The following VPS35 variants were observed in gnomAD, a reference collection of about 807,000 sequenced individuals.
The protein encoded by VPS35 is VPS35 retromer complex component, also known as vacuolar protein sorting-associated protein 35.
VPS35 carries 21 observed loss-of-function variants against 98.1 expected under a neutral mutation model. The ratio of observed to expected loss-of-function variants is 0.21; its 90% CI spans 0.15 to 0.31. The LOEUF is 0.31. Ranked by LOEUF, VPS35 falls within the 10% of genes least tolerant of loss-of-function variation. The pLI is 1.00. For synonymous variants in VPS35, 268 were observed against 318.2 expected (o/e 0.84, Z 1.68); for missense variants, 554 against 950.8 (o/e 0.58, Z 5.49).
intron 11 of VPS35, 64 bp downstream of exon 11, chr16:46,672,201 T>C (rs1966079237): frequency 1.4e-6 from 2 of 1,416,980 alleles, no homozygotes; most frequent in African/African-American, 1.4e-5. Context: ...ATCTCAGGTA[T>C]CTAGGTCCAA....
At chr16:46,681,065 T>A (rs376695699) in intron 4 of VPS35, among the ~76,000 whole-genome samples, 26 of 115,812 alleles carry the variant, frequency 2.2e-4, no homozygotes, top group South Asian at 5.5e-4. Flanking sequence ...ACACACACAC[T>A]GTATATATAC....
chr16:46,686,763 TG>T (rs1198705486), intron 1 of VPS35, among the ~76,000 whole-genome samples: 1 of 152,340 alleles, frequency 6.6e-6, no homozygotes, highest in Non-Finnish European at 1.5e-5. Flanking sequence ...GTTTTCCATT[TG>T]TAAATGACCG....
intron 13 of VPS35, 100 bp from the exon 14 acceptor site, chr16:46,663,262 A>C (rs918372744): frequency 3.1e-5 from 34 of 1,101,520 alleles, no homozygotes; most frequent in Admixed American, 6.5e-5. Context: ...TTGTGTGCAC[A>C]GTTTTCCTGT....
At chr16:46,677,085 G>A (rs1394645053) in intron 7 of VPS35, among the ~76,000 whole-genome samples, 2 of 151,218 alleles carry the variant, frequency 1.3e-5, no homozygotes, top group African/African-American at 2.4e-5. Context: ...TTATAGAAAC[G>A]GCATCGTGCT....
chr16:46,664,355 C>T (rs1257910613), intron 13 of VPS35, among the ~76,000 whole-genome samples: 1 of 151,918 alleles, frequency 6.6e-6, no homozygotes, highest in East Asian at 1.9e-4. Flanking sequence ...AGGGGTTTCA[C>T]CTTATCGGCC....
In VPS35 at chr16:46,661,035, T is replaced by C. The variant is rs1965907341; in HGVS notation, c.2212-384A>G. On this transcript the variant is annotated intron_variant, in intron 16 of 16. Coordinates refer to ENST00000299138, the MANE Select transcript of VPS35 (RefSeq NM_018206.6). This position sits in a 1 kb window ranked among gnomAD's most constrained non-coding sequence, Gnocchi z 4.3. Reference sequence around the variant, plus strand: ...GGTGCCGGGCGCCTATAATACCAGCTATTCAGGAGGCTGAGGCATGAGAAT... The same window carrying C: ...GGTGCCGGGCGCCTATAATACCAGCCATTCAGGAGGCTGAGGCATGAGAAT... The C allele has an allele frequency of 3.0e-6, 1 of 338,204 alleles. No homozygotes were observed. The highest frequency in any genetic ancestry group is 5.7e-6 in the Non-Finnish European group (1 of 173,984). The allele number at this position is 338,204 out of a possible 1,614,324, so 21.0% of individuals were successfully genotyped here.
At chr16:46,689,040 C>A (rs1966375499) in intron 1 of VPS35, 91 bp downstream of exon 1, 1 of 1,568,468 alleles carries the variant, frequency 6.4e-7, no homozygotes, top group East Asian at 2.4e-5. Flanking sequence ...CTGTGGGGCC[C>A]CTTCTCCACT....
chr16:46,688,594 G>A (rs1966361796), intron 1 of VPS35: 5 of 996,342 alleles, frequency 5.0e-6, no homozygotes, highest in Admixed American at 1.1e-4. Context: ...CCCAGAACTC[G>A]CTGACAAACA....
At chr16:46,676,736 T>C in intron 7 of VPS35, 44 bp from the exon 8 acceptor site, 3 of 1,361,110 alleles carry the variant, frequency 2.2e-6, no homozygotes, top group South Asian at 1.2e-5. Flanking sequence ...TTTCACGTAA[T>C]ATTCTGGACT....
intron 1 of VPS35, among the ~76,000 whole-genome samples, chr16:46,683,944 T>TAC (rs1229540793): frequency 6.6e-6 from 1 of 152,118 alleles, no homozygotes; most frequent in East Asian, 1.9e-4. Context: ...GCCAGGATAG[T>TAC]CTCCATCTCC....
Position 46,674,245 on chromosome 16 carries a change from T to C in VPS35, c.1160+69A>G, listed in dbSNP as rs1966109064. ...CAAATGCCAGCAGTTCAAAAAACAA[T>C]TGAGAAAGAAAAGCAAATCTAGGAC... is the stretch of plus-strand genomic sequence containing the variant. On this transcript the variant is annotated intron_variant, in intron 10 of 16. Coordinates refer to ENST00000299138, the MANE Select transcript of VPS35 (RefSeq NM_018206.6). 2.6e-6 allele frequency: 4 copies of C among 1,554,946 alleles called. No homozygotes were observed. In the East Asian group the frequency reaches 9.0e-5, roughly 35 times the overall value.
rs1243935893 is a variant in VPS35, at chr16:46,674,282, T to C, written c.1160+32A>G. ...AGCAAATCTAGGACAAAAATATCTT[T>C]GAGGATTTTTACAAAAATGTAACTG... On this transcript the variant is annotated intron_variant, in intron 10 of 16. Transcript: ENST00000299138. 1.9e-6 allele frequency: 3 copies of C among 1,611,996 alleles called. No individual in the cohort carries two copies. In the Admixed American group the frequency reaches 5.0e-5, roughly 27 times the overall value.
chr16:46,665,509 C>T (rs995180304), intron 13 of VPS35, among the ~76,000 whole-genome samples: 10 of 151,082 alleles, frequency 6.6e-5, no homozygotes, highest in African/African-American at 2.4e-4. Flanking sequence ...ATGGAAGGAT[C>T]GCTTGAGCCT....
rs1596705988 is a variant in VPS35, at chr16:46,656,427, A to T, written c.*4045T>A. ...CCTTTACAAAAATTGTAACTGAGGA[A>T]ATTATGACAGTGAAAGAGATCAGAC... On this transcript the variant is annotated 3_prime_UTR_variant, in exon 17 of 17. Coordinates refer to ENST00000299138, the MANE Select transcript of VPS35 (RefSeq NM_018206.6). 6.6e-6 allele frequency: 1 copy of T among 152,352 alleles called. No individual in the cohort carries two copies. Among genetic ancestry groups the T allele is most frequent in the East Asian group, 1.9e-4 (1 of 5,192 alleles). The allele number at this position is 152,352 out of a possible 1,614,324, so 9.4% of individuals were successfully genotyped here.
Position 46,676,627 on chromosome 16 carries a change from G to A in VPS35, c.870C>T (p.His290=), listed in dbSNP as rs2143008115. The A allele has an allele frequency of 6.2e-7, 1 of 1,612,846 alleles. No individual in the cohort carries two copies. Among genetic ancestry groups the A allele is most frequent in the East Asian group, 2.2e-5 (1 of 44,806 alleles). ...NPFLRACAEL[H]QNVNVKNIII... ...TTATGTTCTTCACATTTACATTCTG[G>A]TGTAACTCAGCACAGGCCCGAAGAA... The change falls in exon 8 of 17, where the codon CAC becomes CAT. Residue 290 remains histidine, a synonymous_variant. Transcript: ENST00000299138.
chr16:46,678,450 C>A (rs1461481212), intron 6 of VPS35, among the ~76,000 whole-genome samples: 4 of 152,078 alleles, frequency 2.6e-5, no homozygotes, highest in Admixed American at 1.3e-4. Context: ...AAGCCAAAAA[C>A]CATTTATTAT....
At chr16:46,668,710 GC>G (rs1361493288) in intron 13 of VPS35, among the ~76,000 whole-genome samples, 13 of 152,280 alleles carry the variant, frequency 8.5e-5, no homozygotes, top group South Asian at 2.1e-4. Flanking sequence ...ATTTCTAAGT[GC>G]TTTTTACGTG....
intron 1 of VPS35, chr16:46,688,778 C>G (rs1172842950): frequency 7.9e-6 from 10 of 1,267,836 alleles, no homozygotes; most frequent in Non-Finnish European, 1.0e-5. Flanking sequence ...GGGGGCCAGA[C>G]GCTCAGACCT....
intron 14 of VPS35, 61 bp from the exon 15 acceptor site, chr16:46,662,543 C>T: frequency 6.2e-7 from 1 of 1,603,716 alleles, no homozygotes; most frequent in East Asian, 2.2e-5. Flanking sequence ...TGAGCATTTT[C>T]CAAAGTACTT....
Sources: allele counts gnomAD v4.1 joint callset (sites outside exome capture counted in the v4.1 genomes callset), GRCh38; gene constraint gnomAD v4.1.1; non-coding constraint Gnocchi (gnomAD v3.1); transcripts MANE v1.5; gene names NCBI Gene and HGNC (gene_info 2026-07-23, HGNC 2026-07-21).